The following TNRC18 variants were observed in gnomAD, a reference collection of about 807,000 sequenced individuals.
TNRC18 encodes trinucleotide repeat-containing gene 18 protein.
A neutral mutation model predicts 226.7 loss-of-function variants in TNRC18; 69 were observed. The observed-to-expected ratio is 0.30, with a 90% CI of 0.25 to 0.37. The LOEUF (loss-of-function observed/expected upper bound fraction) is 0.37. Ranked by LOEUF, TNRC18 falls within the 10% of genes least tolerant of loss-of-function variation. TNRC18 has a pLI of 1.00. For synonymous variants in TNRC18, 2,449 were observed against 1,927.6 expected (o/e 1.27, Z -7.09); for missense variants, 4,754 against 4,256.6 (o/e 1.12, Z -3.25).
At chr7:5,348,216 C>T (rs1248557956) in intron 17 of TNRC18, among the ~76,000 whole-genome samples, 1 of 152,216 alleles carries the variant, frequency 6.6e-6, no homozygotes, top group Non-Finnish European at 1.5e-5. Flanking sequence ...GGTGGAAGGC[C>T]TGAGAGAGCA....
Position 5,388,093 on chromosome 7 carries a change from G to A in TNRC18, c.1731C>T (p.His577=), listed in dbSNP as rs768302044. ...RPVADMHSAA[H]GSGEASAMQS... ...GCATGGCCGAGGCCTCTCCAGACCC[G>A]TGGGCCGCAGAGTGCATGTCAGCGA... is the stretch of plus-strand genomic sequence containing the variant. Residue 577 remains histidine, a synonymous_variant, in exon 5 of 30, where the codon CAC becomes CAT. Coordinates refer to ENST00000430969, the MANE Select transcript of TNRC18 (RefSeq NM_001080495.3). 8 of 1,553,086 alleles carry A rather than the reference G, an allele frequency of 5.2e-6. No homozygotes were observed. The highest frequency in any genetic ancestry group is 2.7e-5 in the African/African-American group (2 of 73,234).
intron 16 of TNRC18, among the ~76,000 whole-genome samples, chr7:5,353,877 G>A (rs1489755693): frequency 1.3e-5 from 2 of 152,104 alleles, no homozygotes; most frequent in East Asian, 1.9e-4. Flanking sequence ...TGGAGTTTTC[G>A]ACACAGGCAC....
In TNRC18 at chr7:5,377,627, G is replaced by C. The variant is rs1447852974; in HGVS notation, c.2256-51C>G. ...CGACAGCTCGGACAGCCCAGGGGAC[G>C]AGAGGGAGAAGCGGGGTTGCCCCAA... On this transcript the variant is annotated intron_variant, in intron 6 of 29. Transcript: ENST00000430969. This position sits in a 1 kb window ranked among gnomAD's most constrained non-coding sequence, Gnocchi z 5.8. The C allele has an allele frequency of 2.6e-6, 4 of 1,518,832 alleles. No homozygotes were observed. The allele number at this position is 1,518,832 out of a possible 1,614,324, so 94.1% of individuals were successfully genotyped here.
chr7:5,390,422 A>G, intron 4 of TNRC18, 63 bp downstream of exon 4: 2 of 1,593,634 alleles, frequency 1.3e-6, no homozygotes, highest in South Asian at 1.1e-5. Context: ...GGATGCTGCC[A>G]AAGGCCCCAG....
chr7:5,315,276 A>T (rs1295857978), intron 25 of TNRC18, 128 bp from the exon 26 acceptor site: 1 of 966,490 alleles, frequency 1.0e-6, no homozygotes. Flanking sequence ...CTGACCCCGG[A>T]TGGGCTCCCA....
At chr7:5,370,242 G>C in intron 11 of TNRC18, 133 bp downstream of exon 11, 1 of 1,081,426 alleles carries the variant, frequency 9.2e-7, no homozygotes, top group Non-Finnish European at 1.3e-6. Context: ...AAGATCACTT[G>C]AGCCCAGGAG....
In TNRC18 at chr7:5,380,017, G is replaced by A. The variant is rs1372426400; in HGVS notation, c.2153-1993C>T. On this transcript the variant is annotated intron_variant, in intron 5 of 29. Transcript: ENST00000430969. ...AAACTATCCTTCTGCTGGAGACAAG[G>A]TCCCCACCCAGCTGTCCTAACTGGG... Among the ~76,000 whole-genome samples, 3 of 152,188 alleles carry A rather than the reference G, an allele frequency of 2.0e-5. No individual in the cohort carries two copies. In the East Asian group the frequency reaches 5.8e-4, roughly 29 times the overall value.
chr7:5,377,018 G>A lies in TNRC18; in HGVS notation c.2462-25C>T, dbSNP rs368730491. 4.5e-6 allele frequency: 7 copies of A among 1,559,618 alleles called. No individual in the cohort carries two copies. Among genetic ancestry groups the A allele is most frequent in the Non-Finnish European group, 6.1e-6 (7 of 1,153,226 alleles). On this transcript the variant is annotated intron_variant, in intron 7 of 29. Coordinates refer to ENST00000430969, the MANE Select transcript of TNRC18 (RefSeq NM_001080495.3). This position sits in a 1 kb window ranked among gnomAD's most constrained non-coding sequence, Gnocchi z 5.8. ...CCTAGGAGGAGAAGCCCAGGCCTGA[G>A]TCAGTGCTGGGAGCCCCCAAGCGGT...
Position 5,308,222 on chromosome 7 carries a change from G to C in TNRC18, c.8791C>G (p.Gln2931Glu), listed in dbSNP as rs1440763532. The C allele has an allele frequency of 6.2e-7, 1 of 1,612,120 alleles. No homozygotes were observed. Among genetic ancestry groups the C allele is most frequent in the Admixed American group, 1.7e-5 (1 of 59,868 alleles). ...CLVVGLEQYE[Q>E]MLKTKKYQDS... ...TGGTACTTCTTGGTCTTCAGCATCT[G>C]CTCATACTGCTCCAGGCCCACCACC... Residue 2931 changes from glutamine (Q) to glutamate (E), a missense_variant, in exon 30 of 30, where the codon CAG (glutamine) becomes GAG (glutamate). Physicochemically the swap from Gln to Glu is conservative, Grantham distance 29. Coordinates refer to ENST00000430969, the MANE Select transcript of TNRC18 (RefSeq NM_001080495.3).
chr7:5,348,225 C>A (rs991378102), intron 17 of TNRC18, among the ~76,000 whole-genome samples: 6 of 152,216 alleles, frequency 3.9e-5, no homozygotes, highest in Non-Finnish European at 5.9e-5. Context: ...CCTGAGAGAG[C>A]AAACTCTGCC....
chr7:5,411,215 CAAAAAA>C (rs35392221), intron 2 of TNRC18, among the ~76,000 whole-genome samples: 5 of 76,004 alleles, frequency 6.6e-5, no homozygotes, highest in African/African-American at 2.1e-4. Flanking sequence ...GACTCCATCT[CAAAAAA>C]AAAAAAAAAA....
At chr7:5,308,593 G>T (rs912251157) in intron 29 of TNRC18, among the ~76,000 whole-genome samples, 10 of 152,114 alleles carry the variant, frequency 6.6e-5, no homozygotes, top group African/African-American at 2.4e-4. Flanking sequence ...CACAGAGACT[G>T]AAAGATAGAG....
At chr7:5,332,273 C>A (rs150627526) in intron 19 of TNRC18, among the ~76,000 whole-genome samples, 3 of 152,086 alleles carry the variant, frequency 2.0e-5, no homozygotes, top group Admixed American at 2.0e-4. Flanking sequence ...CCCCTCTCTA[C>A]AAACAATAAA....
Position 5,388,871 on chromosome 7 carries a change from A to G in TNRC18, c.953T>C (p.Leu318Pro), listed in dbSNP as rs1361854742. 2 of 1,297,620 alleles carry G rather than the reference A, an allele frequency of 1.5e-6. No homozygotes were observed. Among genetic ancestry groups the G allele is most frequent in the Non-Finnish European group, 2.0e-6 (2 of 1,018,802 alleles). The allele number at this position is 1,297,620 out of a possible 1,614,324, so 80.4% of individuals were successfully genotyped here. A position where few individuals can be genotyped will look rare whatever the true frequency, so the allele number is the denominator to read the frequency against. ...AGGGAGCAGGGTCTCCGTGCGCCGC[A>G]GCAGCCGCGCGCCCTCGTCCTGCCG... is the stretch of plus-strand genomic sequence containing the variant. ...AARQDEGARL[L>P]RRTETLLPGP... is the part of the protein sequence containing the mutation. The change falls in exon 5 of 30, where the codon CTG (leucine) becomes CCG (proline). Residue 318 changes from leucine (L) to proline (P), a missense_variant. Leu to Pro is a moderately conservative substitution (Grantham distance 98). Transcript: ENST00000430969.
At chr7:5,344,322 C>A (rs759918017) in intron 18 of TNRC18, among the ~76,000 whole-genome samples, 18 of 152,128 alleles carry the variant, frequency 1.2e-4, no homozygotes, top group Non-Finnish European at 1.8e-4. Flanking sequence ...AGAAGAGTGG[C>A]CTGGCCAAGT....
intron 2 of TNRC18, among the ~76,000 whole-genome samples, chr7:5,414,048 G>A (rs1009988101): frequency 6.6e-6 from 1 of 151,934 alleles, no homozygotes; most frequent in Non-Finnish European, 1.5e-5. Flanking sequence ...CCAGGTTCAA[G>A]TGATTCTCCT....
At chr7:5,381,612 G>GAGACC (rs1397671189) in intron 5 of TNRC18, among the ~76,000 whole-genome samples, 2 of 152,092 alleles carry the variant, frequency 1.3e-5, no homozygotes, top group African/African-American at 4.8e-5. Flanking sequence ...GCAACGGAGT[G>GAGACC]AGACCCTGTT....
At position 5,321,090 on chromosome 7, in the gene TNRC18, G is replaced by T; in HGVS notation, c.6543C>A (p.Thr2181=). The change falls in exon 22 of 30, where the codon ACC becomes ACA. Residue 2181 remains threonine (T), a synonymous_variant. Transcript: ENST00000430969. ...CCACTCACATGTCTGGCGAGTGCAC[G>T]GTCTGCACGTGCCCGGCGTACAGCA... ...DKLLYAGHVQ[T]VHSPDIYRVV... is the part of the protein sequence containing the mutation. 18 of 1,550,324 alleles carry T rather than the reference G, an allele frequency of 1.2e-5. No homozygotes were observed. The highest frequency in any genetic ancestry group is 1.6e-5 in the Non-Finnish European group (18 of 1,146,932).
In TNRC18 at chr7:5,389,263, G is replaced by T. The variant is rs531792990; in HGVS notation, c.561C>A (p.Gly187=). 3.6e-4 allele frequency: 470 copies of T among 1,309,236 alleles called. No homozygotes were observed. The African/African-American group carries it at 6.8e-3, about 19-fold the overall frequency. 81.1% of individuals were successfully genotyped at this position (1,309,236 alleles called of 1,614,324 possible). ...HSHAPSARTP[G]GGHSSGAPAK... ...CCGGGGCGCCCGAGGAGTGGCCGCC[G>T]CCAGGGGTCCGGGCCGAGGGCGCGT... Residue 187 remains glycine, a synonymous_variant, in exon 5 of 30, where the codon GGC becomes GGA. Coordinates refer to ENST00000430969, the MANE Select transcript of TNRC18 (RefSeq NM_001080495.3).
Sources: allele counts gnomAD v4.1 joint callset (sites outside exome capture counted in the v4.1 genomes callset), GRCh38; gene constraint gnomAD v4.1.1; non-coding constraint Gnocchi (gnomAD v3.1); transcripts MANE v1.5; gene names NCBI Gene and HGNC (gene_info 2026-07-23, HGNC 2026-07-21).